The following RTN4 variants were observed in gnomAD, a reference collection of about 807,000 sequenced individuals.
RTN4 encodes reticulon-4.
In RTN4, 32 loss-of-function variants were observed where a neutral mutation model predicts 90.4. The ratio of observed to expected loss-of-function variants is 0.35; its 90% CI spans 0.27 to 0.48. RTN4 has a LOEUF of 0.48. Among genes scored for constraint, RTN4 ranks in the 20% least tolerant of loss-of-function variants. RTN4 has a pLI of 0.99. For missense variants in RTN4, 1,706 were observed against 1,430.2 expected (o/e 1.19, Z -3.11); for synonymous variants, 629 against 552.5 (o/e 1.14, Z -1.94).
chr2:54,985,444 G>A (rs899109218), intron 4 of RTN4, among the ~76,000 whole-genome samples: 1 of 152,060 alleles, frequency 6.6e-6, no homozygotes, highest in African/African-American at 2.4e-5. Flanking sequence ...ACAGGCATGA[G>A]CCAACACGTT....
chr2:55,126,084 C>G, the RTN4 span, among the ~76,000 whole-genome samples: 1 of 145,208 alleles, frequency 6.9e-6, no homozygotes, highest in African/African-American at 2.5e-5. Flanking sequence ...AAAAAAAGGT[C>G]CGGGCATGGT....
At chr2:55,032,712 C>T (rs968765877) in intron 1 of RTN4, among the ~76,000 whole-genome samples, 2 of 151,912 alleles carry the variant, frequency 1.3e-5, no homozygotes, top group East Asian at 3.9e-4. Flanking sequence ...GTTAAAATAC[C>T]TATAATTGCA....
At chr2:55,132,939 T>C in the RTN4 span, among the ~76,000 whole-genome samples, 3 of 151,716 alleles carry the variant, frequency 2.0e-5, no homozygotes, top group Non-Finnish European at 4.4e-5. Context: ...TGGCCGGGTG[T>C]GGTGGCTCAC....
chr2:55,049,489 C>A (rs1558854258), intron 1 of RTN4: 1 of 549,616 alleles, frequency 1.8e-6, no homozygotes, highest in Non-Finnish European at 3.3e-6. Context: ...GGGCATCACA[C>A]AGGGTGAAAG....
At chr2:55,028,018 T>A (rs533795615) in intron 2 of RTN4, 146 bp downstream of exon 2, 1 of 633,406 alleles carries the variant, frequency 1.6e-6, no homozygotes, top group South Asian at 2.8e-5. Context: ...CCATATAAAA[T>A]GCACATTTCA....
chr2:54,980,756 T>C (rs535551393), intron 5 of RTN4, among the ~76,000 whole-genome samples: 4 of 152,342 alleles, frequency 2.6e-5, no homozygotes, highest in Admixed American at 6.5e-5. Flanking sequence ...GAATTACTAC[T>C]TACAGACAGT....
At chr2:54,987,080 A>T (rs915242862) in intron 4 of RTN4, among the ~76,000 whole-genome samples, 1 of 152,202 alleles carries the variant, frequency 6.6e-6, no homozygotes, top group African/African-American at 2.4e-5. Flanking sequence ...GAAAATACAT[A>T]AAGAAAAGCA....
At chr2:55,126,060 CAA>C in the RTN4 span, among the ~76,000 whole-genome samples, 30 of 62,420 alleles carry the variant, frequency 4.8e-4, no homozygotes, top group Admixed American at 6.6e-4. Flanking sequence ...GACTCCGTCT[CAA>C]AAAAAAAAAA....
At chr2:55,092,371 G>A (rs919392402) in intron 1 of RTN4, among the ~76,000 whole-genome samples, 16 of 151,868 alleles carry the variant, frequency 1.1e-4, no homozygotes, top group African/African-American at 3.1e-4. Context: ...TAGTAGCTGG[G>A]ATTACAGGCA....
chr2:55,106,581 G>A (rs964788221), intron 1 of RTN4, among the ~76,000 whole-genome samples: 16 of 152,066 alleles, frequency 1.1e-4, no homozygotes, highest in Admixed American at 3.9e-4. Flanking sequence ...GTGCAGTGGC[G>A]TGATCTCGGC....
At chr2:55,004,729 G>A (rs1680084468) in intron 3 of RTN4, among the ~76,000 whole-genome samples, 1 of 152,134 alleles carries the variant, frequency 6.6e-6, no homozygotes, top group Non-Finnish European at 1.5e-5. Flanking sequence ...AGAAGACCCA[G>A]TGATGAAGCC....
At chr2:55,094,742 G>A (rs549596278) in intron 1 of RTN4, among the ~76,000 whole-genome samples, 2 of 152,216 alleles carry the variant, frequency 1.3e-5, no homozygotes, top group African/African-American at 4.8e-5. Flanking sequence ...GGTGGAAAAC[G>A]TTTGAGGCAC....
intron 1 of RTN4, among the ~76,000 whole-genome samples, chr2:55,043,091 TAGCATC>T (rs1321793386): frequency 9.2e-5 from 14 of 152,212 alleles, no homozygotes; most frequent in African/African-American, 3.4e-4. Context: ...GAGAAAATCT[TAGCATC>T]AGTAAAGCTG....
intron 3 of RTN4, among the ~76,000 whole-genome samples, chr2:54,994,297 T>A (rs987302666): frequency 2.0e-5 from 3 of 152,186 alleles, no homozygotes; most frequent in Non-Finnish European, 4.4e-5. Context: ...TACAGATAAA[T>A]ATCCCTTATG....
At chr2:55,088,719 A>G (rs1372564636) in intron 1 of RTN4, among the ~76,000 whole-genome samples, 2 of 152,216 alleles carry the variant, frequency 1.3e-5, no homozygotes, top group Non-Finnish European at 2.9e-5. Flanking sequence ...AAAGGCAGAA[A>G]GAAAAGAATC....
intron 6 of RTN4, 116 bp from the exon 7 acceptor site, chr2:54,973,983 G>A: frequency 1.2e-6 from 1 of 843,684 alleles, no homozygotes; most frequent in East Asian, 2.6e-5. Flanking sequence ...CCTAATGAAT[G>A]AATAAAAACA....
At chr2:55,132,625 A>T in the RTN4 span, among the ~76,000 whole-genome samples, 1 of 152,066 alleles carries the variant, frequency 6.6e-6, no homozygotes, top group East Asian at 1.9e-4. Context: ...CAGCCTGGGC[A>T]ACATGGTATA....
At chr2:55,024,224 T>TTA (rs1558816885) in intron 3 of RTN4, among the ~76,000 whole-genome samples, 1 of 152,244 alleles carries the variant, frequency 6.6e-6, no homozygotes, top group East Asian at 1.9e-4. Context: ...CCCTCATCCT[T>TTA]TATGTCCCTA....
chr2:55,074,790 A>G (rs56404436), intron 2 of RTN4, among the ~76,000 whole-genome samples: 1 of 152,372 alleles, frequency 6.6e-6, no homozygotes, highest in African/African-American at 2.4e-5. Flanking sequence ...AAGTCAATAA[A>G]TGTGATACAC....
Sources: allele counts gnomAD v4.1 joint callset (sites outside exome capture counted in the v4.1 genomes callset), GRCh38; gene constraint gnomAD v4.1.1; transcripts MANE v1.5; gene names NCBI Gene and HGNC (gene_info 2026-07-23, HGNC 2026-07-21).